RORB: variants seen among roughly 807,000 people sequenced by gnomAD.
RORB encodes the protein nuclear receptor ROR-beta.
Under a neutral mutation model 59.1 loss-of-function variants are expected in RORB, and 6 were observed. The observed-to-expected ratio is 0.10, with a 90% CI of 0.06 to 0.20. The LOEUF is 0.20. Among genes scored for constraint, RORB ranks in the 10% least tolerant of loss-of-function variants. The pLI, the probability that RORB is intolerant of heterozygous loss-of-function variation, is 1.00. For missense variants in RORB, 320 were observed against 560.5 expected, an observed-to-expected ratio of 0.57 and a Z score of 4.33; for synonymous variants, 215 against 204.5, an observed-to-expected ratio of 1.05 and a Z score of -0.44.
chr9:74,559,082 T>G (rs993404077), intron 1 of RORB, among the ~76,000 whole-genome samples: 7 of 152,294 alleles, frequency 4.6e-5, no homozygotes, highest in African/African-American at 1.4e-4. Flanking sequence ...TTGTATTTGG[T>G]GGCCATATTT....
At chr9:74,642,144 T>C (rs1823818075) in intron 3 of RORB, among the ~76,000 whole-genome samples, 1 of 152,186 alleles carries the variant, frequency 6.6e-6, no homozygotes, top group Non-Finnish European at 1.5e-5. Flanking sequence ...GCTTTCTAAC[T>C]TCATGGCAAT....
At chr9:74,648,949 T>C (rs1823946622) in intron 4 of RORB, among the ~76,000 whole-genome samples, 1 of 152,056 alleles carries the variant, frequency 6.6e-6, no homozygotes, top group Non-Finnish European at 1.5e-5. Context: ...AGCAAATATG[T>C]TCATAAAATG....
chr9:74,588,938 T>TA (rs11351124), intron 1 of RORB, among the ~76,000 whole-genome samples: 1 of 150,160 alleles, frequency 6.7e-6, no homozygotes, highest in African/African-American at 2.4e-5. Flanking sequence ...AAGTGATGAT[T>TA]AAAAAAAAAA....
intron 4 of RORB, among the ~76,000 whole-genome samples, chr9:74,656,779 T>C (rs1824089718): frequency 6.6e-6 from 1 of 152,160 alleles, no homozygotes; most frequent in Non-Finnish European, 1.5e-5. Flanking sequence ...ACTTTACAGC[T>C]CCTACTTTAC....
chr9:74,584,031 T>C lies in RORB; in HGVS notation c.8-46251T>C, dbSNP rs149980295. Reference sequence around the variant, plus strand: ...ATAACATTTCAGAGGACTTAGCTTGTGCTATCTGTCTGTGTGCCAGTCTTG... The same window carrying C: ...ATAACATTTCAGAGGACTTAGCTTGCGCTATCTGTCTGTGTGCCAGTCTTG... On this transcript the variant is annotated intron_variant, in intron 1 of 9. Coordinates refer to ENST00000376896, the MANE Select transcript of RORB (RefSeq NM_006914.4). Among the ~76,000 whole-genome samples the C allele has an allele frequency of 8.1e-3, 1,235 of 152,350 alleles. 10 individuals are homozygous for C. Among genetic ancestry groups the C allele is most frequent in the Non-Finnish European group, 0.013 (900 of 68,028 alleles).
At chr9:74,668,672 T>A (rs753431912) in intron 8 of RORB, among the ~76,000 whole-genome samples, 1 of 152,206 alleles carries the variant, frequency 6.6e-6, no homozygotes, top group Non-Finnish European at 1.5e-5. Context: ...AGGAAACAGA[T>A]TTCCTGTTCA....
In RORB at chr9:74,604,108, A is replaced by G. The variant is rs1378375754; in HGVS notation, c.8-26174A>G. The stretch of plus-strand genomic sequence containing the variant: ...AACACAATTATTTTAAAAATGTCCT[A>G]TTATTTTCTAAACTAATGATCTAGA... On this transcript the variant is annotated intron_variant, in intron 1 of 9. Transcript: ENST00000376896. Among the ~76,000 whole-genome samples, 6 of 152,326 alleles carry G rather than the reference A, an allele frequency of 3.9e-5. No individual in the cohort carries two copies. The South Asian group carries it at 1.0e-3, about 26-fold the overall frequency.
At chr9:74,646,863 T>C (rs188429045) in intron 4 of RORB, among the ~76,000 whole-genome samples, 1 of 152,178 alleles carries the variant, frequency 6.6e-6, no homozygotes, top group East Asian at 1.9e-4. Flanking sequence ...TAAGTATACG[T>C]TCTGGGCGGG....
At position 74,646,674 on chromosome 9, in the gene RORB, G is replaced by A. The variant is rs201752116; in HGVS notation, c.637+3859G>A. ...TGATATTCCTAGGACAGAGAGTTAA[G>A]TGATAAAGCTTAAATTCTAAGGTTA... On this transcript the variant is annotated intron_variant, in intron 4 of 9. Coordinates refer to ENST00000376896, the MANE Select transcript of RORB (RefSeq NM_006914.4). 1.8e-4 allele frequency among the ~76,000 whole-genome samples: 19 copies of A among 102,994 alleles called. 1 individual carries two copies. In the South Asian group the frequency reaches 6.4e-3, roughly 34 times the overall value. The allele number at this position is 102,994 out of a possible 152,430, so 67.6% of individuals were successfully genotyped here.
At chr9:74,649,789 A>T (rs1223508110) in intron 4 of RORB, among the ~76,000 whole-genome samples, 1 of 152,222 alleles carries the variant, frequency 6.6e-6, no homozygotes, top group Non-Finnish European at 1.5e-5. Flanking sequence ...CTTACAGTAC[A>T]TGTGTGCATA....
chr9:74,662,836 C>T (rs1422856773), intron 6 of RORB, among the ~76,000 whole-genome samples: 3 of 151,900 alleles, frequency 2.0e-5, no homozygotes, highest in African/African-American at 4.8e-5. Context: ...CTATTAATTG[C>T]GGAGGTTGAA....
intron 1 of RORB, among the ~76,000 whole-genome samples, chr9:74,539,868 C>CAA (rs11322021): frequency 2.3e-4 from 26 of 113,576 alleles, no homozygotes; most frequent in African/African-American, 6.2e-4. Context: ...CTTAACCTCT[C>CAA]AAAAAAAAAA....
chr9:74,667,838 T>C lies in RORB; in HGVS notation c.1048T>C (p.Cys350Arg), dbSNP rs1587415478. 1.2e-6 allele frequency: 2 copies of C among 1,613,692 alleles called. No homozygotes were observed. Among genetic ancestry groups the C allele is most frequent in the Non-Finnish European group, 1.7e-6 (2 of 1,179,694 alleles). ...AGCATTTGACTTTGCAAAGAATTTGTGTTCCTTGCAGCTGACCGAGGAGGA... is the reference window on the plus strand; with the variant it reads ...AGCATTTGACTTTGCAAAGAATTTGCGTTCCTTGCAGCTGACCGAGGAGGA... Reference protein sequence around the residue: ...NEAFDFAKNLCSLQLTEEEIA... With the variant: ...NEAFDFAKNLRSLQLTEEEIA... Residue 350 changes from cysteine to arginine, a missense_variant, in exon 8 of 10, where the codon TGT becomes CGT. Physicochemically the swap from Cys to Arg is radical, Grantham distance 180 (BLOSUM62 -3). Coordinates refer to ENST00000376896, the MANE Select transcript of RORB (RefSeq NM_006914.4).
At chr9:74,678,964 G>A (rs946388751) in intron 9 of RORB, among the ~76,000 whole-genome samples, 10 of 151,228 alleles carry the variant, frequency 6.6e-5, no homozygotes, top group East Asian at 1.9e-4. Context: ...CCCAGGAAGC[G>A]GAGATGGCAG....
chr9:74,579,356 T>A (rs1301806590), intron 1 of RORB, among the ~76,000 whole-genome samples: 1 of 152,108 alleles, frequency 6.6e-6, no homozygotes, highest in East Asian at 1.9e-4. Context: ...CTTTCACAGT[T>A]TTATATTTCT....
intron 1 of RORB, among the ~76,000 whole-genome samples, chr9:74,555,218 C>T (rs756869281): frequency 3.9e-5 from 6 of 152,184 alleles, no homozygotes; most frequent in Non-Finnish European, 5.9e-5. Flanking sequence ...CTGTCACAGA[C>T]GCAGGGCACT....
At chr9:74,509,990 G>A (rs1328242179) in intron 1 of RORB, among the ~76,000 whole-genome samples, 4 of 152,004 alleles carry the variant, frequency 2.6e-5, no homozygotes, top group African/African-American at 9.7e-5. Flanking sequence ...TATCATTTAT[G>A]CGGTTGATTT....
intron 1 of RORB, among the ~76,000 whole-genome samples, chr9:74,574,354 T>C (rs1822598707): frequency 2.0e-5 from 3 of 152,192 alleles, no homozygotes; most frequent in African/African-American, 7.2e-5. Context: ...TGTGTTGTTA[T>C]ATCACTTTAA....
At chr9:74,519,403 C>G (rs1430961829) in intron 1 of RORB, among the ~76,000 whole-genome samples, 2 of 152,016 alleles carry the variant, frequency 1.3e-5, no homozygotes, top group African/African-American at 4.8e-5. Flanking sequence ...AGTACATTTA[C>G]TTCCATCACA....
Sources: gnomAD v4.1 joint callset for allele counts (sites outside exome capture counted in the v4.1 genomes callset) on GRCh38, gnomAD v4.1.1 for gene constraint, MANE v1.5 for transcripts, NCBI Gene and HGNC (gene_info 2026-07-23, HGNC 2026-07-21) for gene names.